Variants in FBXO4 observed in about 807,000 individuals in gnomAD.
FBXO4 encodes the protein F-box only protein 4.
Under a neutral mutation model 43.7 loss-of-function variants are expected in FBXO4, and 36 were observed. That is an observed-to-expected ratio of 0.82 (90% CI 0.63 to 1.09). FBXO4 has a LOEUF of 1.09. Among genes scored for constraint, FBXO4 ranks in the 50% least tolerant of loss-of-function variants. The pLI is 0.00. For missense variants in FBXO4, 435 were observed against 474.1 expected (o/e 0.92, Z 0.77); for synonymous variants, 180 against 165.6 (o/e 1.09, Z -0.67).
the FBXO4 span, among the ~76,000 whole-genome samples, chr5:41,970,616 A>T: frequency 6.6e-6 from 1 of 151,948 alleles, no homozygotes; most frequent in Admixed American, 6.6e-5. Flanking sequence ...ACCACAAGGA[A>T]AAAAGCTTAT....
the FBXO4 span, among the ~76,000 whole-genome samples, chr5:41,950,905 C>G: frequency 3.9e-5 from 6 of 152,152 alleles, no homozygotes; most frequent in Non-Finnish European, 7.3e-5. Context: ...AGTTCATGTC[C>G]TTTGCAGGGG....
chr5:41,994,675 C>T, the FBXO4 span, among the ~76,000 whole-genome samples: 1 of 152,144 alleles, frequency 6.6e-6, no homozygotes. Context: ...AGATCAATCA[C>T]CCCAGCCAAC....
At chr5:41,933,609 A>G (rs1751759327) in intron 3 of FBXO4, among the ~76,000 whole-genome samples, 1 of 152,196 alleles carries the variant, frequency 6.6e-6, no homozygotes, top group Non-Finnish European at 1.5e-5. Flanking sequence ...GAAACATAAA[A>G]ATATGAAAAT....
downstream of FBXO4, among the ~76,000 whole-genome samples, chr5:41,943,667 C>T (rs1025332865): frequency 2.6e-5 from 4 of 152,066 alleles, no homozygotes; most frequent in Non-Finnish European, 5.9e-5. Context: ...ATCATATAAA[C>T]TCTATCGCCA....
chr5:41,969,085 C>A, the FBXO4 span, among the ~76,000 whole-genome samples: 2 of 152,106 alleles, frequency 1.3e-5, no homozygotes, highest in African/African-American at 2.4e-5. Context: ...TTTTGGGTAA[C>A]CTTCTTTTTA....
At chr5:41,997,128 G>A in the FBXO4 span, among the ~76,000 whole-genome samples, 1 of 152,218 alleles carries the variant, frequency 6.6e-6, no homozygotes, top group Admixed American at 6.5e-5. Context: ...GACAGGAATG[G>A]AGAAAAAGTC....
At chr5:42,028,447 G>C in the FBXO4 span, among the ~76,000 whole-genome samples, 1 of 151,754 alleles carries the variant, frequency 6.6e-6, no homozygotes, top group Non-Finnish European at 1.5e-5. Flanking sequence ...ACAGACAACA[G>C]ATCAATCGGT....
the FBXO4 span, among the ~76,000 whole-genome samples, chr5:41,953,595 T>C: frequency 6.6e-6 from 1 of 150,536 alleles, no homozygotes; most frequent in East Asian, 2.0e-4. Context: ...ATGGTTGAAC[T>C]AGTTTACAGT....
chr5:42,001,084 T>C, the FBXO4 span, among the ~76,000 whole-genome samples: 1 of 152,222 alleles, frequency 6.6e-6, no homozygotes, highest in Admixed American at 6.5e-5. Context: ...ATATTGGTTT[T>C]AGGATTATTT....
At chr5:41,986,814 T>C in the FBXO4 span, among the ~76,000 whole-genome samples, 1 of 152,198 alleles carries the variant, frequency 6.6e-6, no homozygotes, top group Non-Finnish European at 1.5e-5. Context: ...ACTTCTGTTA[T>C]TCCTTTTCTC....
chr5:41,926,701 C>T lies in FBXO4; in HGVS notation c.190-312C>T, dbSNP rs544436973. ...TAATTTATGTAACTAACTGGTATAT[C>T]CAAATATCTCTGAGGAAAAATTAAA... is the stretch of plus-strand genomic sequence containing the variant. On this transcript the variant is annotated intron_variant, in intron 1 of 6. Transcript: ENST00000281623. Among the ~76,000 whole-genome samples the T allele has an allele frequency of 1.3e-4, 20 of 152,274 alleles. 3 individuals carry two copies. The highest frequency in any genetic ancestry group is 4.8e-4 in the African/African-American group (20 of 41,556).
the FBXO4 span, among the ~76,000 whole-genome samples, chr5:41,983,870 T>C: frequency 6.6e-6 from 1 of 152,032 alleles, no homozygotes; most frequent in South Asian, 2.1e-4. Flanking sequence ...ATATATTTTT[T>C]AGTTTTTAAT....
intron 2 of FBXO4, among the ~76,000 whole-genome samples, 162 bp downstream of exon 2, chr5:41,927,410 C>G (rs556456832): frequency 6.6e-6 from 1 of 152,198 alleles, no homozygotes; most frequent in South Asian, 2.1e-4. Context: ...TTCATAGGAC[C>G]CTTTCAGCTT....
the FBXO4 span, among the ~76,000 whole-genome samples, chr5:42,037,013 T>A: frequency 2.0e-5 from 3 of 152,062 alleles, no homozygotes; most frequent in Non-Finnish European, 4.4e-5. Context: ...TTCTCTTTCC[T>A]CACAGAAAAG....
the FBXO4 span, among the ~76,000 whole-genome samples, chr5:42,026,257 T>G: frequency 6.6e-6 from 1 of 151,876 alleles, no homozygotes; most frequent in Non-Finnish European, 1.5e-5. Context: ...CTTTCACTTC[T>G]CTGGTTAATT....
At chr5:41,997,773 C>A in the FBXO4 span, among the ~76,000 whole-genome samples, 1 of 152,082 alleles carries the variant, frequency 6.6e-6, no homozygotes, top group East Asian at 1.9e-4. Context: ...CCCCAGTGTG[C>A]AATTACTCTG....
At chr5:41,943,131 A>G (rs1210527450), downstream of FBXO4, among the ~76,000 whole-genome samples, 1 of 152,126 alleles carries the variant, frequency 6.6e-6, no homozygotes, top group Non-Finnish European at 1.5e-5. Context: ...AGTCCATATC[A>G]TGGTATAGGT....
the FBXO4 span, among the ~76,000 whole-genome samples, chr5:42,006,859 C>A: frequency 7.8e-6 from 1 of 128,298 alleles, no homozygotes; most frequent in African/African-American, 3.1e-5. Flanking sequence ...CAAAATGGAG[C>A]TTTGCCTACA....
the FBXO4 span, among the ~76,000 whole-genome samples, chr5:42,017,339 A>G: frequency 6.6e-6 from 1 of 152,154 alleles, no homozygotes; most frequent in Non-Finnish European, 1.5e-5. Flanking sequence ...CATTACATGG[A>G]AAATGAACAG....
Sources: allele counts gnomAD v4.1 joint callset (sites outside exome capture counted in the v4.1 genomes callset), GRCh38; gene constraint gnomAD v4.1.1; transcripts MANE v1.5; gene names NCBI Gene and HGNC (gene_info 2026-07-23, HGNC 2026-07-21).